Variants in PPP1R1C observed in about 807,000 individuals in gnomAD.
The protein encoded by PPP1R1C is protein phosphatase 1 regulatory inhibitor subunit 1C.
A neutral mutation model predicts 17.4 loss-of-function variants in PPP1R1C; 15 were observed. That is an observed-to-expected ratio of 0.86 (90% confidence interval 0.58 to 1.33). PPP1R1C has a LOEUF of 1.33. PPP1R1C is among the 40% of genes most tolerant of loss of function. The pLI is 0.00. For missense variants in PPP1R1C, 143 were observed against 130.0 expected (o/e 1.10, Z -0.48); for synonymous variants, 35 against 43.1 (o/e 0.81, Z 0.73).
chr2:182,086,849 T>C (rs1688642809), intron 4 of PPP1R1C, among the ~76,000 whole-genome samples: 1 of 152,004 alleles, frequency 6.6e-6, no homozygotes, highest in African/African-American at 2.4e-5. Flanking sequence ...CTGACAGAGA[T>C]CTTAAACTTA....
chr2:182,110,094 A>C (rs943949040), intron 4 of PPP1R1C, among the ~76,000 whole-genome samples: 3 of 142,448 alleles, frequency 2.1e-5, no homozygotes, highest in Non-Finnish European at 2.9e-5. Context: ...AGTATACCTC[A>C]AGACAGCTAA....
intron 2 of PPP1R1C, among the ~76,000 whole-genome samples, chr2:182,057,209 A>T (rs537616684): frequency 1.1e-4 from 16 of 152,194 alleles, no homozygotes; most frequent in Non-Finnish European, 2.1e-4. Flanking sequence ...CATAGAGGAT[A>T]ATCCTCATTC....
intron 1 of PPP1R1C, among the ~76,000 whole-genome samples, chr2:181,971,798 T>A (rs960386112): frequency 2.0e-5 from 3 of 152,210 alleles, no homozygotes; most frequent in Non-Finnish European, 4.4e-5. Context: ...GCTCCCTCTA[T>A]AGATGCCGGC....
intron 2 of PPP1R1C, among the ~76,000 whole-genome samples, chr2:182,020,665 C>T (rs941816056): frequency 6.6e-6 from 1 of 152,172 alleles, no homozygotes; most frequent in Non-Finnish European, 1.5e-5. Flanking sequence ...TTCTGGTATC[C>T]TGATCCTCTC....
chr2:182,075,082 T>G (rs1306108323), intron 4 of PPP1R1C, among the ~76,000 whole-genome samples: 1 of 152,228 alleles, frequency 6.6e-6, no homozygotes. Flanking sequence ...GTGATAAGCA[T>G]TGAATTTATG....
upstream of PPP1R1C, chr2:181,985,824 G>A (rs561707847): frequency 1.3e-5 from 6 of 457,696 alleles, no homozygotes; most frequent in African/African-American, 9.7e-5. This position sits in a 1 kb window ranked among gnomAD's most constrained non-coding sequence, Gnocchi z 4.1. Context: ...CTTGGCATGT[G>A]TATTAGTGAA....
At chr2:182,121,416 A>G (rs1689729822), downstream of PPP1R1C, among the ~76,000 whole-genome samples, 1 of 152,118 alleles carries the variant, frequency 6.6e-6, no homozygotes, top group Non-Finnish European at 1.5e-5. Context: ...TCTTAACTTT[A>G]TCTACTTCAT....
At chr2:182,038,615 G>T (rs1297307742) in intron 2 of PPP1R1C, among the ~76,000 whole-genome samples, 1 of 152,182 alleles carries the variant, frequency 6.6e-6, no homozygotes, top group Non-Finnish European at 1.5e-5. Context: ...AGGGAAGAAT[G>T]TAAGATCTTG....
rs1001188814 is a variant in PPP1R1C at position 182,081,363 on chromosome 2, A to G, written c.241+17572A>G. Among the ~76,000 whole-genome samples, 2 of 152,198 alleles carry G rather than the reference A, an allele frequency of 1.3e-5. 1 individual carries two copies. Among genetic ancestry groups the G allele is most frequent in the African/African-American group, 4.8e-5 (2 of 41,452 alleles). On this transcript the variant is annotated intron_variant, in intron 4 of 4. Coordinates refer to ENST00000682840, the MANE Select transcript of PPP1R1C (RefSeq NM_001080545.3). ...AGTTTCAGTTTCCGGGTGAATACAA[A>G]TGAGTGCCTTAACCTCTTTTCAGTC...
In PPP1R1C at chr2:181,962,366, C is replaced by A; in HGVS notation, n.111+7732C>A. The A allele has an allele frequency of 1.1e-6, 1 of 917,688 alleles. No homozygotes were observed. Among genetic ancestry groups the A allele is most frequent in the Non-Finnish European group, 1.7e-6 (1 of 577,484 alleles). The allele number at this position is 917,688 out of a possible 1,614,324, so 56.8% of individuals were successfully genotyped here. On this transcript the variant is annotated intron_variant and non_coding_transcript_variant, in intron 1 of 5. Transcript: ENST00000464264. This position sits in a 1 kb window ranked among gnomAD's most constrained non-coding sequence, Gnocchi z 6.0. ...TATCCGGGAACCAGAGCCCCCGGCG[C>A]CTGCATAGACGCTGGCCATGCAGCT...
chr2:181,988,202 G>A (rs1047013540), intron 2 of PPP1R1C, among the ~76,000 whole-genome samples: 3 of 152,222 alleles, frequency 2.0e-5, no homozygotes, highest in Non-Finnish European at 2.9e-5. Flanking sequence ...GCTTATTAAT[G>A]AGGCTGGTGG....
intron 2 of PPP1R1C, among the ~76,000 whole-genome samples, chr2:182,041,347 G>A (rs1036933654): frequency 1.1e-4 from 17 of 152,100 alleles, no homozygotes; most frequent in African/African-American, 3.4e-4. Context: ...GGTAGCTCAC[G>A]CCTGTAATCC....
At position 182,117,713 on chromosome 2, in the gene PPP1R1C, G is replaced by T; in HGVS notation, c.*418G>T. 1 of 153,004 alleles carries T rather than the reference G, an allele frequency of 6.5e-6. No homozygotes were observed. Among genetic ancestry groups the T allele is most frequent in the Admixed American group, 6.5e-5 (1 of 15,374 alleles). 9.5% of individuals were successfully genotyped at this position (153,004 alleles called of 1,614,324 possible). On this transcript the variant is annotated 3_prime_UTR_variant, in exon 5 of 5. Transcript: ENST00000682840. ...CATGAGTGTGTGTGTGTGTGTGTGT[G>T]GGTTTAGCTTAAAGAGAAATATCTA...
intron 2 of PPP1R1C, among the ~76,000 whole-genome samples, chr2:181,993,647 T>G (rs534685993): frequency 2.0e-5 from 3 of 152,306 alleles, no homozygotes; most frequent in South Asian, 2.1e-4. Context: ...GCCTATTTAT[T>G]TCCCTCAGCA....
At chr2:182,037,438 T>C (rs1170832238) in intron 2 of PPP1R1C, among the ~76,000 whole-genome samples, 3 of 151,938 alleles carry the variant, frequency 2.0e-5, no homozygotes, top group Non-Finnish European at 4.4e-5. Flanking sequence ...AATACAAAAA[T>C]TAGCTGGGTG....
intron 4 of PPP1R1C, among the ~76,000 whole-genome samples, chr2:182,090,325 G>C (rs974364286): frequency 1.3e-5 from 2 of 151,196 alleles, no homozygotes; most frequent in African/African-American, 4.9e-5. Context: ...GTCAGAGAGA[G>C]ACAGAGAGCA....
At chr2:182,020,084 G>A (rs1415704927) in intron 2 of PPP1R1C, among the ~76,000 whole-genome samples, 1 of 152,200 alleles carries the variant, frequency 6.6e-6, no homozygotes, top group African/African-American at 2.4e-5. Context: ...GACATAATTA[G>A]TTTTCAGAGG....
At chr2:182,004,280 A>T (rs1249150629) in intron 2 of PPP1R1C, among the ~76,000 whole-genome samples, 2 of 152,020 alleles carry the variant, frequency 1.3e-5, no homozygotes, top group African/African-American at 4.8e-5. Flanking sequence ...TCATTATTCT[A>T]CTCCCTAGCA....
intron 5 of PPP1R1C, among the ~76,000 whole-genome samples, chr2:182,126,346 A>C (rs991989340): frequency 6.6e-6 from 1 of 152,062 alleles, no homozygotes; most frequent in Middle Eastern, 3.2e-3. Context: ...CTTATTTTCT[A>C]ACTCAGTGAT....
Sources: gnomAD v4.1 joint callset for allele counts (sites outside exome capture counted in the v4.1 genomes callset) on GRCh38, gnomAD v4.1.1 for gene constraint, Gnocchi (gnomAD v3.1) non-coding constraint, MANE v1.5 for transcripts, NCBI Gene and HGNC (gene_info 2026-07-23, HGNC 2026-07-21) for gene names.